The following DPP3 variants were observed in gnomAD, a reference collection of about 807,000 sequenced individuals.
The protein encoded by DPP3 is DPP III.
DPP3 carries 64 observed loss-of-function variants against 89.8 expected under a neutral mutation model. That is an observed-to-expected ratio of 0.71 (90% CI 0.58 to 0.88). The LOEUF is 0.88. Ranked by LOEUF, DPP3 falls within the 40% of genes least tolerant of loss-of-function variation. The probability of loss-of-function intolerance (pLI) is 0.00; values close to 1 mark genes in which losing one functional copy is unlikely to be tolerated. For missense variants in DPP3, 835 were observed against 972.5 expected, an observed-to-expected ratio of 0.86 and a Z score of 1.88; for synonymous variants, 377 against 404.3, an observed-to-expected ratio of 0.93 and a Z score of 0.81.
At chr11:66,502,696 C>G (rs1855709587) in intron 16 of DPP3, among the ~76,000 whole-genome samples, 1 of 152,114 alleles carries the variant, frequency 6.6e-6, no homozygotes, top group Admixed American at 6.5e-5. Context: ...GATCTCCTGA[C>G]CTCGTGATCC....
chr11:66,497,858 T>A (rs2134741681), intron 16 of DPP3, among the ~76,000 whole-genome samples: 1 of 149,602 alleles, frequency 6.7e-6, no homozygotes, highest in South Asian at 2.1e-4. Flanking sequence ...ACCACTACAC[T>A]CCAGCCTGGG....
At chr11:66,503,699 A>G (rs1855732899) in intron 16 of DPP3, among the ~76,000 whole-genome samples, 1 of 152,170 alleles carries the variant, frequency 6.6e-6, no homozygotes, top group Non-Finnish European at 1.5e-5. Flanking sequence ...CATCTTGGCT[A>G]ACATGGTGAA....
rs942574922 is a variant in DPP3, at chr11:66,495,871, C to T, written c.1698+121C>T. ...GATGAACTGGGTTTAATGCTAGACTCCACTGTTTGGGAGGCAAGTCACATC... is the reference window on the plus strand; with the variant it reads ...GATGAACTGGGTTTAATGCTAGACTTCACTGTTTGGGAGGCAAGTCACATC... On this transcript the variant is annotated intron_variant, in intron 15 of 17. Transcript: ENST00000531863. 3 of 1,463,094 alleles carry T rather than the reference C, an allele frequency of 2.1e-6. No homozygotes were observed. The African/African-American group carries it at 4.2e-5, about 21-fold the overall frequency. 90.6% of individuals were successfully genotyped at this position (1,463,094 alleles called of 1,614,324 possible). A position where few individuals can be genotyped will look rare whatever the true frequency, so the allele number is the denominator to read the frequency against.
intron 16 of DPP3, among the ~76,000 whole-genome samples, chr11:66,501,005 A>G (rs1855661768): frequency 1.3e-5 from 2 of 152,166 alleles, no homozygotes; most frequent in Non-Finnish European, 1.5e-5. Flanking sequence ...CCTGGCCAAC[A>G]TGGTGAAACC....
chr11:66,495,474 A>G lies in DPP3; in HGVS notation c.1562A>G (p.His521Arg). ...AESVGLYLCL[H>R]PQVLEIFGFE... ...AGCGTGGGTCTCTACCTCTGTCTCC[A>G]CCCGCAAGTGCTGGAGTAAGAGCAG... Residue 521 changes from histidine to arginine, a missense_variant, in exon 14 of 18, where the codon CAC (histidine) becomes CGC (arginine). Physicochemically the swap from His to Arg is conservative, Grantham distance 29. Coordinates refer to ENST00000531863, the MANE Select transcript of DPP3 (RefSeq NM_130443.4). 1 of 1,611,632 alleles carries G rather than the reference A, an allele frequency of 6.2e-7. No individual in the cohort carries two copies. The highest frequency in any genetic ancestry group is 8.5e-7 in the Non-Finnish European group (1 of 1,178,716).
At chr11:66,482,606 T>C in intron 2 of DPP3, 136 bp downstream of exon 2, 3 of 1,301,798 alleles carry the variant, frequency 2.3e-6, no homozygotes, top group Non-Finnish European at 3.1e-6. Context: ...TTCCCCTCTC[T>C]GGAGCCTCAG....
chr11:66,501,738 T>C (rs915455604), intron 16 of DPP3, among the ~76,000 whole-genome samples: 4 of 148,102 alleles, frequency 2.7e-5, no homozygotes, highest in Non-Finnish European at 4.4e-5. Flanking sequence ...GGCAGGAGGA[T>C]CACTTGAACC....
At chr11:66,500,467 A>G (rs1348627322) in intron 16 of DPP3, among the ~76,000 whole-genome samples, 2 of 152,218 alleles carry the variant, frequency 1.3e-5, no homozygotes, top group African/African-American at 2.4e-5. Flanking sequence ...TGATCAACTA[A>G]GGGAAGATGC....
intron 12 of DPP3, 81 bp from the exon 13 acceptor site, chr11:66,495,125 C>T: frequency 6.2e-7 from 1 of 1,608,696 alleles, no homozygotes; most frequent in Non-Finnish European, 8.5e-7. Context: ...TCCTGAGCCA[C>T]TTTCCGGCCT....
intron 17 of DPP3, among the ~76,000 whole-genome samples, chr11:66,507,608 G>T (rs1341378381): frequency 1.3e-5 from 2 of 151,030 alleles, no homozygotes; most frequent in Non-Finnish European, 3.0e-5. Context: ...GAACGTTCTG[G>T]GGAGGAAGGG....
In DPP3 at chr11:66,482,372, T is replaced by G. The variant is rs1855111167; in HGVS notation, c.172T>G (p.Tyr58Asp). 1 of 1,612,578 alleles carries G rather than the reference T, an allele frequency of 6.2e-7. No individual in the cohort carries two copies. The stretch of plus-strand genomic sequence containing the variant: ...GCTTCAGACCTCCCCTGAGGCCCCC[T>G]ACATCTATGCTCTGCTCAGCCGCCT... Reference protein sequence around the residue: ...VLLQTSPEAPYIYALLSRLFR... With the variant: ...VLLQTSPEAPDIYALLSRLFR... The change falls in exon 2 of 18, where the codon TAC (tyrosine) becomes GAC (aspartate). Residue 58 changes from tyrosine to aspartate, a missense_variant. Transcript: ENST00000531863.
intron 16 of DPP3, among the ~76,000 whole-genome samples, chr11:66,499,132 G>A (rs1855618192): frequency 1.3e-5 from 2 of 151,922 alleles, no homozygotes; most frequent in Admixed American, 1.3e-4. Context: ...GGAGGCCGAG[G>A]CGGGTGGATC....
At chr11:66,498,547 G>A (rs538431808) in intron 16 of DPP3, among the ~76,000 whole-genome samples, 4 of 152,274 alleles carry the variant, frequency 2.6e-5, no homozygotes, top group Non-Finnish European at 4.4e-5. Context: ...TTTTAAGAAC[G>A]AAGGACATTT....
At position 66,491,073 on chromosome 11, in the gene DPP3, T is replaced by C. The variant is rs745916369; in HGVS notation, c.668-180T>C. 2.6e-5 allele frequency among the ~76,000 whole-genome samples: 4 copies of C among 152,138 alleles called. No homozygotes were observed. In the East Asian group the frequency reaches 7.7e-4, roughly 29 times the overall value. ...CGTAAGCCACCATGCCCGGCTGATA[T>C]ATATTTTTTTGAAGTTGAGAGTTTA... On this transcript the variant is annotated intron_variant, in intron 6 of 17. Transcript: ENST00000531863.
rs771103973 is a variant in DPP3 at position 66,491,390 on chromosome 11, C to T, written c.798+7C>T. 6.2e-7 allele frequency: 1 copy of T among 1,613,290 alleles called. No individual in the cohort carries two copies. On this transcript the variant is annotated splice_region_variant and intron_variant, in intron 7 of 17. Coordinates refer to ENST00000531863, the MANE Select transcript of DPP3 (RefSeq NM_130443.4). The stretch of plus-strand genomic sequence containing the variant: ...GCAGCTGGAGAAAGCCAAGGTTGGA[C>T]TGGCTGGGGGCTGAGGGGTGCGGGC...
rs370786570 is a variant in DPP3 at position 66,493,550 on chromosome 11, A to G, written c.1306A>G (p.Ile436Val). 5.0e-6 allele frequency: 8 copies of G among 1,613,078 alleles called. No homozygotes were observed. Among genetic ancestry groups the G allele is most frequent in the Non-Finnish European group, 5.9e-6 (7 of 1,179,882 alleles). The part of the protein sequence containing the change: ...FLEEDDKDLY[I>V]LWKGPSFDVQ... The stretch of plus-strand genomic sequence containing the variant: ...CTGCTTGTCTTGGCAGGACCTGTAC[A>G]TCCTCTGGAAGGGGCCCTCCTTCGA... Residue 436 changes from isoleucine to valine, a missense_variant, in exon 12 of 18, where the codon ATC (isoleucine) becomes GTC (valine). Physicochemically the swap from Ile to Val is conservative, Grantham distance 29. Transcript: ENST00000531863.
At chr11:66,490,033 G>A (rs577566929) in intron 6 of DPP3, among the ~76,000 whole-genome samples, 4 of 151,908 alleles carry the variant, frequency 2.6e-5, no homozygotes, top group Non-Finnish European at 5.9e-5. Flanking sequence ...TCACAGTTGA[G>A]CTGGATATGA....
Position 66,495,262 on chromosome 11 carries a change from C to G in DPP3, c.1446C>G (p.Gly482=), listed in dbSNP as rs755015820. The change falls in exon 13 of 18, where the codon GGC becomes GGG. Residue 482 remains glycine, a synonymous_variant. Transcript: ENST00000531863. The part of the protein sequence containing the change: ...DQETVINPET[G]EQIQSWYRSG... ...AAACAGTGATCAACCCAGAGACGGGCGAGCAGGTGAGGGAGGCCTCAGCAG... is the reference window on the plus strand; with the variant it reads ...AAACAGTGATCAACCCAGAGACGGGGGAGCAGGTGAGGGAGGCCTCAGCAG... The G allele has an allele frequency of 6.2e-7, 1 of 1,613,218 alleles. No individual in the cohort carries two copies. Among genetic ancestry groups the G allele is most frequent in the Admixed American group, 1.7e-5 (1 of 60,024 alleles).
chr11:66,492,996 C>T (rs1038619243), intron 10 of DPP3, 71 bp from the exon 11 acceptor site: 16 of 1,606,390 alleles, frequency 1.0e-5, no homozygotes, highest in Non-Finnish European at 1.4e-5. Flanking sequence ...CCTCCACAAA[C>T]TGCTCTGTGC....
Sources: gnomAD v4.1 joint callset for allele counts (sites outside exome capture counted in the v4.1 genomes callset) on GRCh38, gnomAD v4.1.1 for gene constraint, MANE v1.5 for transcripts, NCBI Gene and HGNC (gene_info 2026-07-23, HGNC 2026-07-21) for gene names.